Variants in ZNF264 observed in about 807,000 individuals in gnomAD.
The protein encoded by ZNF264 is zinc finger protein 264.
A neutral mutation model predicts 11.2 loss-of-function variants in ZNF264; 11 were observed. The ratio of observed to expected loss-of-function variants is 0.98; its 90% CI spans 0.62 to 1.63. ZNF264 has a LOEUF of 1.63. Ranked by LOEUF, ZNF264 falls within the 40% of genes most tolerant of loss-of-function variation. The pLI is 0.00. For missense variants in ZNF264, 752 were observed against 768.1 expected (o/e 0.98, Z 0.25); for synonymous variants, 309 against 279.8 (o/e 1.10, Z -1.04).
rs1472192444 is a variant in ZNF264, at chr19:57,213,095, G to A, written c.*114G>A. ...ATTTATCCTGGAGAGAGACCCAGTGGTTATTGTGCACATAGGAGAACCTTC... is the reference window on the plus strand; with the variant it reads ...ATTTATCCTGGAGAGAGACCCAGTGATTATTGTGCACATAGGAGAACCTTC... On this transcript the variant is annotated 3_prime_UTR_variant, in exon 4 of 4. Transcript: ENST00000263095. 1 of 1,074,680 alleles carries A rather than the reference G, an allele frequency of 9.3e-7. No homozygotes were observed. The highest frequency in any genetic ancestry group is 1.3e-6 in the Non-Finnish European group (1 of 761,222). The allele number at this position is 1,074,680 out of a possible 1,614,324, so 66.6% of individuals were successfully genotyped here. A position where few individuals can be genotyped will look rare whatever the true frequency, so the allele number is the denominator to read the frequency against.
Position 57,204,561 on chromosome 19 carries a change from G to A in ZNF264, c.161-836G>A, listed in dbSNP as rs769280732. ...TGCCATGTAAGATGTGCCTTTCTCC[G>A]CCTTGTGTCATGATTGTGAGGCCTC... On this transcript the variant is annotated intron_variant, in intron 2 of 3. Coordinates refer to ENST00000263095, the MANE Select transcript of ZNF264 (RefSeq NM_003417.5). Among the ~76,000 whole-genome samples the A allele has an allele frequency of 2.9e-4, 44 of 152,102 alleles. 1 individual carries two copies. Among genetic ancestry groups the A allele is most frequent in the Non-Finnish European group, 5.0e-4 (34 of 68,014 alleles).
chr19:57,206,375 C>A (rs372977537), intron 3 of ZNF264, among the ~76,000 whole-genome samples: 8 of 152,094 alleles, frequency 5.3e-5, no homozygotes, highest in African/African-American at 1.7e-4. Context: ...TCCCGAGTAG[C>A]TGGGACTACA....
At position 57,200,189 on chromosome 19, in the gene ZNF264, A is replaced by T. The variant is rs533149135; in HGVS notation, c.161-5208A>T. Among the ~76,000 whole-genome samples the T allele has an allele frequency of 7.6e-4, 115 of 151,944 alleles. 4 individuals carry two copies. The highest frequency in any genetic ancestry group is 2.7e-3 in the African/African-American group (113 of 41,216). On this transcript the variant is annotated intron_variant, in intron 2 of 3. Coordinates refer to ENST00000263095, the MANE Select transcript of ZNF264 (RefSeq NM_003417.5). ...GTGGCTGACCTGCAACAAAAGGTGC[A>T]TGCACAGCCTCACCAGGTGTCTACT...
Position 57,222,765 on chromosome 19 carries a change from G to A in ZNF264, c.*9784G>A, listed in dbSNP as rs2122785842. On this transcript the variant is annotated 3_prime_UTR_variant, in exon 4 of 4. Coordinates refer to ENST00000263095, the MANE Select transcript of ZNF264 (RefSeq NM_003417.5). The stretch of plus-strand genomic sequence containing the variant: ...GAAACTAGTTCATGGCTTCAGTGGG[G>A]GAGAGATTTAAATAATATGGGTTTA... 1 of 152,252 alleles carries A rather than the reference G, an allele frequency of 6.6e-6. No individual in the cohort carries two copies. The highest frequency in any genetic ancestry group is 1.5e-5 in the Non-Finnish European group (1 of 68,026). The allele number at this position is 152,252 out of a possible 1,614,324, so 9.4% of individuals were successfully genotyped here. A position where few individuals can be genotyped will look rare whatever the true frequency, so the allele number is the denominator to read the frequency against.
chr19:57,212,948 C>T lies in ZNF264; in HGVS notation c.1851C>T (p.Tyr617=). The T allele has an allele frequency of 1.2e-6, 2 of 1,612,136 alleles. No individual in the cohort carries two copies. The highest frequency in any genetic ancestry group is 1.1e-5 in the South Asian group (1 of 91,028). Residue 617 remains tyrosine, a synonymous_variant, in exon 4 of 4, where the codon TAC becomes TAT. Coordinates refer to ENST00000263095, the MANE Select transcript of ZNF264 (RefSeq NM_003417.5). ...CTTCCTCTGCATCTGATCAACCATA[C>T]CAAAGAGAAACCCCACAAGTGTCTT... The part of the protein sequence containing the change: ...ETSSSASDQP[Y]QRETPQVSSL
At chr19:57,197,038 G>A (rs35372088) in intron 2 of ZNF264, among the ~76,000 whole-genome samples, 20,892 of 151,902 alleles carry the variant, frequency 0.14, 1,937 homozygotes, top group Middle Eastern at 0.21. Flanking sequence ...CTTTCAGGTG[G>A]TTCCTGCATA....
At position 57,222,785 on chromosome 19, in the gene ZNF264, G is replaced by A. The variant is rs1250100311; in HGVS notation, c.*9804G>A. ...GTGGGGGAGAGATTTAAATAATATG[G>A]GTTTATAATTTCTGCATTATTAAAT... On this transcript the variant is annotated 3_prime_UTR_variant, in exon 4 of 4. Transcript: ENST00000263095. 1 of 152,114 alleles carries A rather than the reference G, an allele frequency of 6.6e-6. No homozygotes were observed. Among genetic ancestry groups the A allele is most frequent in the Non-Finnish European group, 1.5e-5 (1 of 67,986 alleles). The allele number at this position is 152,114 out of a possible 1,614,324, so 9.4% of individuals were successfully genotyped here.
Position 57,215,862 on chromosome 19 carries a change from G to A in ZNF264, c.*2881G>A, listed in dbSNP as rs1391956268. The stretch of plus-strand genomic sequence containing the variant: ...CCATGTTTGATCTGACTGTTTAAAT[G>A]TGTTAACATTTTTTTATGACCCAGG... On this transcript the variant is annotated 3_prime_UTR_variant, in exon 4 of 4. Transcript: ENST00000263095. 6.6e-6 allele frequency: 1 copy of A among 152,124 alleles called. No homozygotes were observed. Among genetic ancestry groups the A allele is most frequent in the South Asian group, 2.1e-4 (1 of 4,830 alleles). 9.4% of individuals were successfully genotyped at this position (152,124 alleles called of 1,614,324 possible).
intron 2 of ZNF264, chr19:57,194,949 G>T: frequency 2.5e-6 from 1 of 392,310 alleles, no homozygotes; most frequent in Non-Finnish European, 4.5e-6. Flanking sequence ...GAAATGAAAT[G>T]ATGTTTTTGA....
At chr19:57,200,906 C>T (rs966778207) in intron 2 of ZNF264, among the ~76,000 whole-genome samples, 2 of 151,848 alleles carry the variant, frequency 1.3e-5, no homozygotes, top group Non-Finnish European at 2.9e-5. Context: ...GCCACCACAC[C>T]CACCCTTTAC....
intron 2 of ZNF264, among the ~76,000 whole-genome samples, chr19:57,205,052 C>A (rs1022264777): frequency 6.6e-6 from 1 of 151,870 alleles, no homozygotes; most frequent in Non-Finnish European, 1.5e-5. Context: ...TTTCTTTAGT[C>A]TAGAGGAAGA....
rs2087416358 is a variant in ZNF264, at chr19:57,221,397, A to G, written c.*8416A>G. The G allele has an allele frequency of 6.6e-6, 1 of 152,162 alleles. No homozygotes were observed. The highest frequency in any genetic ancestry group is 2.1e-4 in the South Asian group (1 of 4,836). 9.4% of individuals were successfully genotyped at this position (152,162 alleles called of 1,614,324 possible). A position where few individuals can be genotyped will look rare whatever the true frequency, so the allele number is the denominator to read the frequency against. Reference sequence around the variant, plus strand: ...GTACATGATTTTAGAAATTGTTATGAATGACTGTCTTGGGATCCTCAAGAA... The same window carrying G: ...GTACATGATTTTAGAAATTGTTATGGATGACTGTCTTGGGATCCTCAAGAA... On this transcript the variant is annotated 3_prime_UTR_variant, in exon 4 of 4. Transcript: ENST00000263095.
rs1268478104 is a variant in ZNF264, at chr19:57,221,275, T to A, written c.*8294T>A. On this transcript the variant is annotated 3_prime_UTR_variant, in exon 4 of 4. Transcript: ENST00000263095. ...CATGTTGGCCAGGATGGCCTCCACC[T>A]CCTGACTTCATGATCCACCCGCCTC... 1 of 150,534 alleles carries A rather than the reference T, an allele frequency of 6.6e-6. No individual in the cohort carries two copies. Among genetic ancestry groups the A allele is most frequent in the African/African-American group, 2.4e-5 (1 of 40,870 alleles). 9.3% of individuals were successfully genotyped at this position (150,534 alleles called of 1,614,324 possible). A position where few individuals can be genotyped will look rare whatever the true frequency, so the allele number is the denominator to read the frequency against.
At chr19:57,200,510 G>C (rs1489401635) in intron 2 of ZNF264, among the ~76,000 whole-genome samples, 1 of 149,038 alleles carries the variant, frequency 6.7e-6, no homozygotes, top group Non-Finnish European at 1.5e-5. Flanking sequence ...CCCGACCTTT[G>C]GGTCTTGTCT....
At chr19:57,201,173 G>C (rs917789456) in intron 2 of ZNF264, among the ~76,000 whole-genome samples, 1 of 151,944 alleles carries the variant, frequency 6.6e-6, no homozygotes, top group African/African-American at 2.4e-5. Context: ...GGTACATAAG[G>C]TTTAAAAGTT....
rs2087411918 is a variant in ZNF264, at chr19:57,220,842, C to T, written c.*7861C>T. ...TATTTTTTGTAGACACGGGGTTTCACCATGTTGGCCAGGCTGGTCTCACAC... is the reference window on the plus strand; with the variant it reads ...TATTTTTTGTAGACACGGGGTTTCATCATGTTGGCCAGGCTGGTCTCACAC... On this transcript the variant is annotated 3_prime_UTR_variant, in exon 4 of 4. Coordinates refer to ENST00000263095, the MANE Select transcript of ZNF264 (RefSeq NM_003417.5). 1 of 152,136 alleles carries T rather than the reference C, an allele frequency of 6.6e-6. No individual in the cohort carries two copies. The highest frequency in any genetic ancestry group is 2.1e-4 in the South Asian group (1 of 4,832). 9.4% of individuals were successfully genotyped at this position (152,136 alleles called of 1,614,324 possible).
intron 1 of ZNF264, among the ~76,000 whole-genome samples, 183 bp from the exon 2 acceptor site, chr19:57,193,692 T>C (rs554557060): frequency 1.2e-4 from 18 of 152,360 alleles, no homozygotes; most frequent in African/African-American, 4.3e-4. Flanking sequence ...GCTTCTCTCC[T>C]TTACTCTGGT....
intron 2 of ZNF264, among the ~76,000 whole-genome samples, chr19:57,197,713 C>A (rs1047674306): frequency 6.6e-6 from 1 of 151,882 alleles, no homozygotes; most frequent in Admixed American, 6.5e-5. Flanking sequence ...ACCAAATAGG[C>A]CCACTAGGCA....
Position 57,219,018 on chromosome 19 carries a change from A to T in ZNF264, c.*6037A>T, listed in dbSNP as rs976571522. ...GCTACACCAATATTTCTATGAACAG[A>T]TCTTACAACTGAGAGTGATCTGCAG... On this transcript the variant is annotated 3_prime_UTR_variant, in exon 4 of 4. Transcript: ENST00000263095. 4 of 152,132 alleles carry T rather than the reference A, an allele frequency of 2.6e-5. No homozygotes were observed. The highest frequency in any genetic ancestry group is 6.5e-5 in the Admixed American group (1 of 15,268). The allele number at this position is 152,132 out of a possible 1,614,324, so 9.4% of individuals were successfully genotyped here. A position where few individuals can be genotyped will look rare whatever the true frequency, so the allele number is the denominator to read the frequency against.
Sources: gnomAD v4.1 joint callset for allele counts (sites outside exome capture counted in the v4.1 genomes callset) on GRCh38, gnomAD v4.1.1 for gene constraint, MANE v1.5 for transcripts, NCBI Gene and HGNC (gene_info 2026-07-23, HGNC 2026-07-21) for gene names.